TENM3: variants seen among roughly 807,000 people sequenced by gnomAD.
TENM3 encodes teneurin-3.
Under a neutral mutation model 255.1 loss-of-function variants are expected in TENM3, and 63 were observed. That is an observed-to-expected ratio of 0.25 (90% CI 0.20 to 0.30). The LOEUF (loss-of-function observed/expected upper bound fraction) is 0.30. Ranked by LOEUF, TENM3 falls within the 10% of genes least tolerant of loss-of-function variation. TENM3 has a pLI of 1.00. For missense variants in TENM3, 2,929 were observed against 3,461.1 expected (o/e 0.85, Z 3.86); for synonymous variants, 1,306 against 1,322.3 (o/e 0.99, Z 0.27).
chr4:182,696,617 T>C (rs535311455), intron 12 of TENM3, among the ~76,000 whole-genome samples: 2 of 151,828 alleles, frequency 1.3e-5, no homozygotes, highest in South Asian at 4.2e-4. Context: ...CCCAGCTACT[T>C]GGGAGGCTGA....
chr4:182,637,240 T>TA (rs2152486798), intron 5 of TENM3, among the ~76,000 whole-genome samples: 1 of 152,318 alleles, frequency 6.6e-6, no homozygotes, highest in Non-Finnish European at 1.5e-5. Context: ...CAAATAAAGA[T>TA]ACAAATATCA....
chr4:182,387,726 T>C (rs1768068018), intron 3 of TENM3, among the ~76,000 whole-genome samples: 1 of 151,692 alleles, frequency 6.6e-6, no homozygotes. Context: ...GGTCTGCAGC[T>C]TCACTCCTGA....
chr4:182,188,419 T>C (rs985390588), intron 1 of TENM3, among the ~76,000 whole-genome samples: 7 of 152,206 alleles, frequency 4.6e-5, no homozygotes, highest in African/African-American at 1.4e-4. Context: ...CGGCTCCATA[T>C]GTCTCAGGAC....
At chr4:181,897,530 CTT>C in the TENM3 span, among the ~76,000 whole-genome samples, 1 of 152,150 alleles carries the variant, frequency 6.6e-6, no homozygotes, top group African/African-American at 2.4e-5. Context: ...ATGATACTGA[CTT>C]TAAGTTAAAA....
chr4:182,708,433 G>A (rs1579185864), intron 12 of TENM3, among the ~76,000 whole-genome samples: 1 of 152,202 alleles, frequency 6.6e-6, no homozygotes, highest in East Asian at 1.9e-4. Context: ...AAATCAAGGC[G>A]GCATTTTGTG....
At chr4:182,438,765 A>C (rs547661010) in intron 3 of TENM3, among the ~76,000 whole-genome samples, 1 of 152,334 alleles carries the variant, frequency 6.6e-6, no homozygotes, top group East Asian at 1.9e-4. Context: ...TGATATATTG[A>C]TCTAATGAGT....
chr4:182,794,757 C>G (rs955448583), intron 26 of TENM3, among the ~76,000 whole-genome samples: 1 of 152,214 alleles, frequency 6.6e-6, no homozygotes, highest in African/African-American at 2.4e-5. Context: ...CATGGAACAA[C>G]CAGCATGTGA....
the TENM3 span, among the ~76,000 whole-genome samples, chr4:181,565,645 A>C: frequency 2.0e-5 from 3 of 152,158 alleles, no homozygotes; most frequent in Non-Finnish European, 4.4e-5. Context: ...AATCTTAAAG[A>C]ATGCATGTAC....
intron 3 of TENM3, among the ~76,000 whole-genome samples, chr4:182,524,357 T>C (rs1191483596): frequency 1.9e-5 from 1 of 51,754 alleles, no homozygotes; most frequent in East Asian, 9.8e-4. Context: ...ATGAGCTTTT[T>C]TTTTTTTTTT....
At chr4:181,467,110 T>TAC in the TENM3 span, among the ~76,000 whole-genome samples, 1 of 44,152 alleles carries the variant, frequency 2.3e-5, no homozygotes, top group East Asian at 5.0e-4. Context: ...TGTGTATATA[T>TAC]ATATATATAT....
chr4:182,771,006 A>AG lies in TENM3; in HGVS notation c.4893-2466_4893-2465insG, dbSNP rs1764162515. ...TCCCAGCTTAACCCTCTGTCATTCT[A>AG]ACTGTACTACCTACAAAGGTTACTT... On this transcript the variant is annotated intron_variant, in intron 22 of 27. Coordinates refer to ENST00000511685, the MANE Select transcript of TENM3 (RefSeq NM_001080477.4). Among the ~76,000 whole-genome samples the AG allele has an allele frequency of 2.0e-5, 3 of 152,318 alleles. No individual in the cohort carries two copies. The South Asian group carries it at 6.2e-4, about 32-fold the overall frequency.
the TENM3 span, among the ~76,000 whole-genome samples, chr4:181,579,933 A>AATTTTATTTT: frequency 4.7e-4 from 59 of 126,574 alleles, no homozygotes; most frequent in African/African-American, 1.2e-3. Context: ...AAGTACCTAC[A>AATTTTATTTT]ATTTTATTTT....
At chr4:181,513,954 T>A in the TENM3 span, among the ~76,000 whole-genome samples, 2 of 152,306 alleles carry the variant, frequency 1.3e-5, no homozygotes, top group East Asian at 3.9e-4. Flanking sequence ...AGCTGACTTT[T>A]AAAAAGTTTA....
At chr4:181,506,859 C>G in the TENM3 span, among the ~76,000 whole-genome samples, 7 of 151,902 alleles carry the variant, frequency 4.6e-5, no homozygotes, top group South Asian at 8.3e-4. Context: ...GTCTCAGTAA[C>G]TCTTATTAGA....
intron 12 of TENM3, among the ~76,000 whole-genome samples, chr4:182,697,024 C>G (rs1385048404): frequency 6.6e-6 from 1 of 152,094 alleles, no homozygotes; most frequent in Non-Finnish European, 1.5e-5. Flanking sequence ...TAGTAACTAC[C>G]TCGTAGAGTC....
At chr4:182,691,690 G>A (rs921479668) in intron 12 of TENM3, among the ~76,000 whole-genome samples, 1 of 152,146 alleles carries the variant, frequency 6.6e-6, no homozygotes, top group Non-Finnish European at 1.5e-5. Flanking sequence ...TTTGATTGGT[G>A]ATGCATGCAG....
intron 3 of TENM3, among the ~76,000 whole-genome samples, chr4:182,398,689 C>T (rs569778569): frequency 3.5e-4 from 53 of 152,302 alleles, no homozygotes; most frequent in African/African-American, 1.1e-3. Context: ...GCAGATGCCA[C>T]ATTTTCAGTT....
At chr4:182,068,275 T>C in the TENM3 span, among the ~76,000 whole-genome samples, 2 of 152,124 alleles carry the variant, frequency 1.3e-5, no homozygotes, top group African/African-American at 2.4e-5. Context: ...CGCTTCCCAT[T>C]TATACAATGG....
the TENM3 span, among the ~76,000 whole-genome samples, chr4:181,813,092 C>T: frequency 6.6e-6 from 1 of 152,178 alleles, no homozygotes; most frequent in Non-Finnish European, 1.5e-5. Flanking sequence ...TGGATGCTGG[C>T]AAGTCCAAGA....
Sources: allele counts gnomAD v4.1 joint callset (sites outside exome capture counted in the v4.1 genomes callset), GRCh38; gene constraint gnomAD v4.1.1; transcripts MANE v1.5; gene names NCBI Gene and HGNC (gene_info 2026-07-23, HGNC 2026-07-21).